The following ARHGAP28 variants were observed in gnomAD, a reference collection of about 807,000 sequenced individuals.
ARHGAP28 encodes the protein Rho GTPase activating protein 28, also known as rho GTPase-activating protein 28.
In ARHGAP28, 56 loss-of-function variants were observed where a neutral mutation model predicts 90.7. That is an observed-to-expected ratio of 0.62 (90% CI 0.50 to 0.77). The LOEUF (loss-of-function observed/expected upper bound fraction) is 0.77, where lower values mean the gene tolerates loss of function less well. Among genes scored for constraint, ARHGAP28 ranks in the 30% least tolerant of loss-of-function variants. ARHGAP28 has a pLI of 0.00. For missense variants in ARHGAP28, 869 were observed against 900.9 expected (o/e 0.96, Z 0.45); for synonymous variants, 308 against 323.3 (o/e 0.95, Z 0.51).
chr18:6,828,874 G>T (rs1181734894), intron 2 of ARHGAP28, among the ~76,000 whole-genome samples: 1 of 152,174 alleles, frequency 6.6e-6, no homozygotes, highest in African/African-American at 2.4e-5. Flanking sequence ...AAAGACTAAA[G>T]GTAGTTTAGT....
intron 14 of ARHGAP28, among the ~76,000 whole-genome samples, chr18:6,892,933 A>G (rs2057277574): frequency 6.6e-6 from 1 of 152,224 alleles, no homozygotes; most frequent in Non-Finnish European, 1.5e-5. Context: ...CCTGAGGATC[A>G]GCCAGAAGTT....
chr18:6,826,644 G>T (rs901560635), intron 2 of ARHGAP28, among the ~76,000 whole-genome samples: 1 of 149,814 alleles, frequency 6.7e-6, no homozygotes, highest in Non-Finnish European at 1.5e-5. Flanking sequence ...GCCACTCAAA[G>T]GAAGCCCTTC....
At chr18:6,756,457 C>T (rs1313172143) in intron 1 of ARHGAP28, among the ~76,000 whole-genome samples, 2 of 152,240 alleles carry the variant, frequency 1.3e-5, no homozygotes, top group East Asian at 1.9e-4. Flanking sequence ...TCTTCCAAAC[C>T]TAATAAATGT....
chr18:6,898,392 C>A, intron 16 of ARHGAP28: 1 of 887,260 alleles, frequency 1.1e-6, no homozygotes, highest in Non-Finnish European at 1.8e-6. Flanking sequence ...ATAATATATA[C>A]ACATATACAC....
chr18:6,825,684 C>T (rs2056657423), intron 2 of ARHGAP28, among the ~76,000 whole-genome samples: 1 of 152,116 alleles, frequency 6.6e-6, no homozygotes, highest in South Asian at 2.1e-4. Context: ...TTAGTGCCCG[C>T]TTACAAGTGA....
At chr18:6,911,567 C>T (rs1486314915) in intron 17 of ARHGAP28, among the ~76,000 whole-genome samples, 2 of 152,106 alleles carry the variant, frequency 1.3e-5, no homozygotes, top group Admixed American at 6.5e-5. Flanking sequence ...TCCCCAGTAG[C>T]TGGAATTACA....
chr18:6,782,070 A>G (rs1291750457), intron 1 of ARHGAP28, among the ~76,000 whole-genome samples: 4 of 152,026 alleles, frequency 2.6e-5, no homozygotes, highest in Non-Finnish European at 5.9e-5. Flanking sequence ...TCATCAGTCA[A>G]GGCCCAAGCC....
At chr18:6,755,890 T>C (rs1045686485) in intron 1 of ARHGAP28, among the ~76,000 whole-genome samples, 6 of 152,242 alleles carry the variant, frequency 3.9e-5, no homozygotes, top group African/African-American at 1.2e-4. Flanking sequence ...GGTTCATATA[T>C]AGAATCACAA....
chr18:6,911,378 A>G (rs78282067), intron 17 of ARHGAP28, among the ~76,000 whole-genome samples: 1,315 of 92,536 alleles, frequency 0.014, 29 homozygotes, highest in African/African-American at 0.048. Flanking sequence ...ATGTATTAGC[A>G]TATAAATGAT....
At chr18:6,779,369 G>A (rs1483541555) in intron 1 of ARHGAP28, among the ~76,000 whole-genome samples, 2 of 152,194 alleles carry the variant, frequency 1.3e-5, no homozygotes, top group Non-Finnish European at 2.9e-5. Context: ...GGTAGAGAAA[G>A]GAATAATAGG....
intron 12 of ARHGAP28, among the ~76,000 whole-genome samples, chr18:6,889,265 T>G (rs2057245615): frequency 6.6e-6 from 1 of 152,210 alleles, no homozygotes; most frequent in African/African-American, 2.4e-5. Flanking sequence ...TTCTCAATTC[T>G]TTATTTTTTT....
chr18:6,735,119 T>C lies in ARHGAP28; in HGVS notation c.122+5176T>C, dbSNP rs370710161. 7.9e-5 allele frequency among the ~76,000 whole-genome samples: 12 copies of C among 152,338 alleles called. 1 individual carries two copies. The South Asian group carries it at 2.5e-3, about 32-fold the overall frequency. On this transcript the variant is annotated intron_variant, in intron 1 of 17. Coordinates refer to ENST00000383472, the MANE Select transcript of ARHGAP28 (RefSeq NM_001366230.1). Reference sequence around the variant, plus strand: ...GTATTGTAGAATCGCCTTATGTAGATGAAGATGGTGACTAAAAAGTCATAA... The same window carrying C: ...GTATTGTAGAATCGCCTTATGTAGACGAAGATGGTGACTAAAAAGTCATAA...
At chr18:6,754,076 G>A (rs771593802) in intron 1 of ARHGAP28, among the ~76,000 whole-genome samples, 1 of 152,172 alleles carries the variant, frequency 6.6e-6, no homozygotes, top group Non-Finnish European at 1.5e-5. Context: ...GAAATAACAA[G>A]GTAGCAGGTA....
intron 16 of ARHGAP28, among the ~76,000 whole-genome samples, chr18:6,906,632 C>A (rs1005553680): frequency 1.3e-5 from 2 of 152,114 alleles, no homozygotes; most frequent in East Asian, 3.8e-4. Context: ...AAAATTAACT[C>A]GAAATGGATC....
intron 11 of ARHGAP28, among the ~76,000 whole-genome samples, chr18:6,883,659 A>G (rs1180197265): frequency 6.6e-6 from 1 of 152,236 alleles, no homozygotes; most frequent in African/African-American, 2.4e-5. Context: ...AATGAAAGAA[A>G]ATAATAGATC....
intron 4 of ARHGAP28, among the ~76,000 whole-genome samples, chr18:6,856,492 A>G (rs2056954878): frequency 6.6e-6 from 1 of 152,176 alleles, no homozygotes; most frequent in South Asian, 2.1e-4. Flanking sequence ...GTATAATTCA[A>G]TAATTTGGGT....
chr18:6,804,707 G>C (rs2056505945), intron 1 of ARHGAP28, among the ~76,000 whole-genome samples: 1 of 152,046 alleles, frequency 6.6e-6, no homozygotes, highest in Admixed American at 6.6e-5. Flanking sequence ...AAATATTCCA[G>C]GATTTTCCAG....
At chr18:6,792,776 G>A (rs962110673) in intron 1 of ARHGAP28, among the ~76,000 whole-genome samples, 1 of 152,198 alleles carries the variant, frequency 6.6e-6, no homozygotes, top group Non-Finnish European at 1.5e-5. Context: ...TTGTTCCACT[G>A]TGACTACATA....
At chr18:6,851,920 A>G (rs1345176393) in intron 4 of ARHGAP28, among the ~76,000 whole-genome samples, 2 of 152,156 alleles carry the variant, frequency 1.3e-5, no homozygotes, top group East Asian at 3.8e-4. Context: ...CGAGAGATTC[A>G]AAGGAGGCAT....
Sources: allele counts gnomAD v4.1 joint callset (sites outside exome capture counted in the v4.1 genomes callset), GRCh38; gene constraint gnomAD v4.1.1; transcripts MANE v1.5; gene names NCBI Gene and HGNC (gene_info 2026-07-23, HGNC 2026-07-21).